The following SBNO1 variants were observed in gnomAD, a reference collection of about 807,000 sequenced individuals.
The protein encoded by SBNO1 is strawberry notch homolog 1.
SBNO1 carries 23 observed loss-of-function variants against 173.6 expected under a neutral mutation model. The ratio of observed to expected loss-of-function variants is 0.13; its 90% CI spans 0.10 to 0.19. The LOEUF is 0.19. Ranked by LOEUF, SBNO1 falls within the 10% of genes least tolerant of loss-of-function variation. The pLI is 1.00. For missense variants in SBNO1, 1,238 were observed against 1,671.2 expected (o/e 0.74, Z 4.52); for synonymous variants, 632 against 571.5 (o/e 1.11, Z -1.51).
intron 1 of SBNO1, 32 bp from the exon 2 acceptor site, chr12:123,350,473 AAAAC>A: frequency 1.3e-6 from 2 of 1,541,154 alleles, no homozygotes; most frequent in African/African-American, 1.4e-5. Context: ...ATTAACATAA[AAAAC>A]AAAAAGTGAC....
chr12:123,315,329 T>C (rs367752213), intron 23 of SBNO1, 44 bp downstream of exon 23: 70 of 1,442,122 alleles, frequency 4.9e-5, no homozygotes, highest in Non-Finnish European at 6.4e-5. Context: ...AAAGACACCA[T>C]ACACTATCAC....
At chr12:123,346,039 A>G (rs1873092935) in intron 3 of SBNO1, among the ~76,000 whole-genome samples, 1 of 152,226 alleles carries the variant, frequency 6.6e-6, no homozygotes, top group Non-Finnish European at 1.5e-5. Flanking sequence ...TTTGACGAAA[A>G]GAAGGTATAG....
intron 24 of SBNO1, among the ~76,000 whole-genome samples, chr12:123,313,217 TAAATAA>T (rs2138934574): frequency 7.5e-6 from 1 of 133,548 alleles, no homozygotes; most frequent in South Asian, 2.2e-4. Context: ...AATAAATAAA[TAAATAA>T]ATAAATAAAT....
At chr12:123,340,605 A>AAAAAAAT (rs35371918) in intron 5 of SBNO1, among the ~76,000 whole-genome samples, 1 of 130,306 alleles carries the variant, frequency 7.7e-6, no homozygotes, top group Non-Finnish European at 1.5e-5. Context: ...AAAAAAAAAA[A>AAAAAAAT]GAATCACTCA....
In SBNO1 at chr12:123,347,546, G is replaced by T. The variant is rs537316520; in HGVS notation, c.237+483C>A. ...TGGCCTCTTTTTTTATGTTTTTTGA[G>T]ATGAAGTCTCACTCTGTCGCCCAGG... On this transcript the variant is annotated intron_variant, in intron 3 of 31. Transcript: ENST00000602398. 4.1e-4 allele frequency among the ~76,000 whole-genome samples: 61 copies of T among 150,326 alleles called. 1 individual carries two copies. Among genetic ancestry groups the T allele is most frequent in the Middle Eastern group, 7.0e-3 (2 of 284 alleles).
At position 123,296,054 on chromosome 12, in the gene SBNO1, T is replaced by C. The variant is rs1163492843; in HGVS notation, c.4040-4A>G. The C allele has an allele frequency of 6.3e-7, 1 of 1,597,884 alleles. No homozygotes were observed. Among genetic ancestry groups the C allele is most frequent in the South Asian group, 1.1e-5 (1 of 90,712 alleles). On this transcript the variant is annotated splice_polypyrimidine_tract_variant and splice_region_variant and intron_variant, in intron 31 of 31. Transcript: ENST00000602398. ...CAATTTGCCGGAATGATCAAACCTGTAATTAGTAACAAGAATTTATCAAGT... is the reference window on the plus strand; with the variant it reads ...CAATTTGCCGGAATGATCAAACCTGCAATTAGTAACAAGAATTTATCAAGT...
chr12:123,357,617 TGGTGGCGGGTGCC>T, intron 1 of SBNO1, among the ~76,000 whole-genome samples: 5 of 1,090 alleles, frequency 4.6e-3, no homozygotes, highest in Non-Finnish European at 0.013. Context: ...GGCGGGTGCC[TGGTGGCGGGTGCC>T]TGTAGTCCCA....
chr12:123,317,210 T>C lies in SBNO1; in HGVS notation c.2935+11A>G. The stretch of plus-strand genomic sequence containing the variant: ...TATCCATTAAGTGAAATCCAGTTTG[T>C]AGGAACTTACCGAACTGTTGAATTG... On this transcript the variant is annotated intron_variant, in intron 21 of 31. Transcript: ENST00000602398. The C allele has an allele frequency of 6.2e-7, 1 of 1,613,728 alleles. No homozygotes were observed. The highest frequency in any genetic ancestry group is 8.5e-7 in the Non-Finnish European group (1 of 1,179,746).
At position 123,295,913 on chromosome 12, in the gene SBNO1, C is replaced by T. The variant is rs778278323; in HGVS notation, c.4177G>A (p.Ala1393Thr). 1 of 1,613,198 alleles carries T rather than the reference C, an allele frequency of 6.2e-7. No individual in the cohort carries two copies. Among genetic ancestry groups the T allele is most frequent in the Non-Finnish European group, 8.5e-7 (1 of 1,179,266 alleles). The change falls in exon 32 of 32, where the codon GCA becomes ACA. Residue 1393 changes from alanine to threonine, a missense_variant. By Grantham distance (58) the Ala-to-Thr change is moderately conservative. Coordinates refer to ENST00000602398, the MANE Select transcript of SBNO1 (RefSeq NM_001167856.3). ...TGTTGAAACCTGTCTGTTCTTCATG[C>T]GTTGCTCAAGTTGGTGATGCTCTGA... ...HPQSITNLSN[A>T]
intron 19 of SBNO1, 106 bp from the exon 20 acceptor site, chr12:123,320,137 C>CTCTTA: frequency 8.0e-7 from 1 of 1,247,502 alleles, no homozygotes; most frequent in Non-Finnish European, 1.1e-6. Context: ...ACAGGCTGTG[C>CTCTTA]TGCACCACAC....
Position 123,312,229 on chromosome 12 carries a change from T to G in SBNO1, c.3221-1100A>C, listed in dbSNP as rs992203966. 8.5e-5 allele frequency among the ~76,000 whole-genome samples: 13 copies of G among 152,194 alleles called. No individual in the cohort carries two copies. In the East Asian group the frequency reaches 2.3e-3, roughly 27 times the overall value. Reference sequence around the variant, plus strand: ...TGCTGGGATTACGGGCATGAGCCACTGTGCCCAGACCAGGGAGTTGTTTCT... The same window carrying G: ...TGCTGGGATTACGGGCATGAGCCACGGTGCCCAGACCAGGGAGTTGTTTCT... On this transcript the variant is annotated intron_variant, in intron 24 of 31. Coordinates refer to ENST00000602398, the MANE Select transcript of SBNO1 (RefSeq NM_001167856.3).
At chr12:123,325,952 G>C (rs1870564285) in intron 14 of SBNO1, among the ~76,000 whole-genome samples, 200 bp downstream of exon 14, 3 of 152,150 alleles carry the variant, frequency 2.0e-5, no homozygotes, top group Admixed American at 2.0e-4. Flanking sequence ...ACCAATTATA[G>C]TGATGTTTAC....
intron 5 of SBNO1, among the ~76,000 whole-genome samples, chr12:123,339,034 G>C (rs550382671): frequency 4.6e-5 from 7 of 151,868 alleles, no homozygotes; most frequent in African/African-American, 1.7e-4. Flanking sequence ...AAATGGAAAT[G>C]TGAGAACCAC....
At chr12:123,343,781 C>G (rs1872808538) in intron 4 of SBNO1, among the ~76,000 whole-genome samples, 1 of 152,064 alleles carries the variant, frequency 6.6e-6, no homozygotes, top group Admixed American at 6.6e-5. Flanking sequence ...CGTGATCCAC[C>G]CACCTTGGGC....
chr12:123,305,101 C>T lies in SBNO1; in HGVS notation c.3631-382G>A, dbSNP rs541063449. ...GTAATAAAATGTTAACAGTGGAATC[C>T]AGGCAGTAGGCATTAGGGGTCTTCA... On this transcript the variant is annotated intron_variant, in intron 28 of 31. Coordinates refer to ENST00000602398, the MANE Select transcript of SBNO1 (RefSeq NM_001167856.3). Among the ~76,000 whole-genome samples, 3 of 152,326 alleles carry T rather than the reference C, an allele frequency of 2.0e-5. No individual in the cohort carries two copies. The South Asian group carries it at 6.2e-4, about 32-fold the overall frequency.
chr12:123,327,553 G>C lies in SBNO1; in HGVS notation c.1565C>G (p.Ala522Gly). The C allele has an allele frequency of 6.2e-7, 1 of 1,613,726 alleles. No individual in the cohort carries two copies. The highest frequency in any genetic ancestry group is 8.5e-7 in the Non-Finnish European group (1 of 1,179,818). ...RRGVGAMEIV[A>G]MDMKLRGMYI... is the part of the protein sequence containing the mutation. ...CATTCCTCTAAGCTTCATATCCATA[G>C]CAACTATTTCCATGGCACCAACTCC... is the stretch of plus-strand genomic sequence containing the variant. Residue 522 changes from alanine (A) to glycine (G), a missense_variant, in exon 13 of 32, where the codon GCT becomes GGT. Physicochemically the swap from Ala to Gly is moderately conservative, Grantham distance 60. Coordinates refer to ENST00000602398, the MANE Select transcript of SBNO1 (RefSeq NM_001167856.3).
chr12:123,363,789 T>C (rs1875698380), intron 1 of SBNO1: 1 of 894,052 alleles, frequency 1.1e-6, no homozygotes, highest in African/African-American at 1.8e-5. Context: ...TGTGCGAGGA[T>C]CAAGTTAGTG....
intron 7 of SBNO1, 112 bp downstream of exon 7, chr12:123,333,941 A>G (rs1051647693): frequency 2.5e-5 from 16 of 645,794 alleles, no homozygotes; most frequent in Admixed American, 4.1e-5. Context: ...ACTTTCATAA[A>G]TATTACATTT....
chr12:123,313,492 T>A, intron 24 of SBNO1, 128 bp downstream of exon 24: 1 of 565,376 alleles, frequency 1.8e-6, no homozygotes, highest in Non-Finnish European at 3.1e-6. Flanking sequence ...CTAGTAACCA[T>A]TAATTTCAAA....
Sources: gnomAD v4.1 joint callset for allele counts (sites outside exome capture counted in the v4.1 genomes callset) on GRCh38, gnomAD v4.1.1 for gene constraint, MANE v1.5 for transcripts, NCBI Gene and HGNC (gene_info 2026-07-23, HGNC 2026-07-21) for gene names.